The following BCAR3 variants were observed in gnomAD, a reference collection of about 807,000 sequenced individuals.
The protein encoded by BCAR3 is breast cancer anti-estrogen resistance protein 3.
In BCAR3, 37 loss-of-function variants were observed where a neutral mutation model predicts 80.1. The ratio of observed to expected loss-of-function variants is 0.46; its 90% CI spans 0.36 to 0.61. The LOEUF (loss-of-function observed/expected upper bound fraction) is 0.61, where lower values mean the gene tolerates loss of function less well. Ranked by LOEUF, BCAR3 falls within the 20% of genes least tolerant of loss-of-function variation. BCAR3 has a pLI of 0.00. For synonymous variants in BCAR3, 389 were observed against 418.9 expected, an observed-to-expected ratio of 0.93 and a Z score of 0.87; for missense variants, 978 against 1,068.2, an observed-to-expected ratio of 0.92 and a Z score of 1.18.
At chr1:93,824,139 A>G (rs1418489874) in intron 2 of BCAR3, among the ~76,000 whole-genome samples, 2 of 133,958 alleles carry the variant, frequency 1.5e-5, no homozygotes, top group African/African-American at 5.0e-5. Flanking sequence ...TTGAATGAAC[A>G]AGAACCCTCA....
chr1:93,611,037 G>A (rs536969997), intron 3 of BCAR3, among the ~76,000 whole-genome samples: 1 of 152,220 alleles, frequency 6.6e-6, no homozygotes, highest in African/African-American at 2.4e-5. Context: ...TGTCCTCTGC[G>A]GAAAGGGTAA....
chr1:93,758,408 G>A (rs1651820018), intron 2 of BCAR3, among the ~76,000 whole-genome samples: 1 of 152,190 alleles, frequency 6.6e-6, no homozygotes, highest in South Asian at 2.1e-4. Flanking sequence ...GTGTGAAGAA[G>A]AACTGGCTGC....
At chr1:93,702,493 A>G (rs946341896) in intron 3 of BCAR3, among the ~76,000 whole-genome samples, 1 of 149,276 alleles carries the variant, frequency 6.7e-6, no homozygotes, top group Non-Finnish European at 1.5e-5. Context: ...GCTGGTTTTG[A>G]GCAATGGAAG....
At chr1:93,564,918 C>A (rs1002923603) in intron 11 of BCAR3, among the ~76,000 whole-genome samples, 3 of 152,132 alleles carry the variant, frequency 2.0e-5, no homozygotes, top group Non-Finnish European at 2.9e-5. Flanking sequence ...AGAGAGAAGC[C>A]TCTAGCCAAA....
intron 2 of BCAR3, among the ~76,000 whole-genome samples, chr1:93,707,017 A>G (rs1649849693): frequency 6.6e-6 from 1 of 151,982 alleles, no homozygotes; most frequent in African/African-American, 2.4e-5. Context: ...TCTACTAAAA[A>G]TACAAAAATT....
At chr1:93,584,830 G>A (rs755148683) in intron 5 of BCAR3, 2 of 321,116 alleles carry the variant, frequency 6.2e-6, no homozygotes, top group Non-Finnish European at 9.0e-6. Flanking sequence ...TTCAGACTGG[G>A]AATTTCTCCA....
chr1:93,777,497 ACCT>A (rs951654894), intron 2 of BCAR3, among the ~76,000 whole-genome samples: 2 of 80,938 alleles, frequency 2.5e-5, no homozygotes, highest in Non-Finnish European at 5.1e-5. Context: ...CTCTTCCTCC[ACCT>A]CCTCCTCCTC....
intron 2 of BCAR3, among the ~76,000 whole-genome samples, chr1:93,726,043 T>G (rs1650569262): frequency 6.6e-6 from 1 of 152,108 alleles, no homozygotes; most frequent in Admixed American, 6.6e-5. Flanking sequence ...TTATTCTTCT[T>G]CTTCAGAGGT....
chr1:93,563,283 T>C (rs1183619323), intron 11 of BCAR3, among the ~76,000 whole-genome samples: 1 of 152,236 alleles, frequency 6.6e-6, no homozygotes, highest in African/African-American at 2.4e-5. Context: ...TCTAGAAATA[T>C]GGGATAAATG....
intron 3 of BCAR3, among the ~76,000 whole-genome samples, chr1:93,631,231 ATCT>A (rs1444739089): frequency 3.9e-5 from 6 of 152,132 alleles, no homozygotes; most frequent in Non-Finnish European, 7.3e-5. Flanking sequence ...TCTGGTCCAA[ATCT>A]TCTTCTTATA....
intron 3 of BCAR3, among the ~76,000 whole-genome samples, chr1:93,616,737 T>C (rs1675140420): frequency 6.6e-6 from 1 of 152,216 alleles, no homozygotes; most frequent in African/African-American, 2.4e-5. Context: ...CAGGGCTTTC[T>C]AAACACCATG....
chr1:93,730,289 C>T (rs1571079784), intron 2 of BCAR3, among the ~76,000 whole-genome samples: 1 of 152,154 alleles, frequency 6.6e-6, no homozygotes, highest in East Asian at 1.9e-4. Context: ...CTTACCCGAG[C>T]TCTCTGACAG....
intron 2 of BCAR3, among the ~76,000 whole-genome samples, chr1:93,836,448 G>C (rs1264487479): frequency 1.3e-5 from 2 of 151,206 alleles, no homozygotes; most frequent in Admixed American, 6.6e-5. Flanking sequence ...CCACATCCAG[G>C]CCATCACCAA....
At chr1:93,800,559 G>A (rs1653441879) in intron 2 of BCAR3, among the ~76,000 whole-genome samples, 3 of 150,338 alleles carry the variant, frequency 2.0e-5, no homozygotes, top group Non-Finnish European at 4.4e-5. Flanking sequence ...CTGGGTGACA[G>A]AGTGAGACTC....
At chr1:93,639,241 G>GAGGAC (rs1268523696) in intron 3 of BCAR3, among the ~76,000 whole-genome samples, 1 of 152,096 alleles carries the variant, frequency 6.6e-6, no homozygotes, top group Non-Finnish European at 1.5e-5. Context: ...ACGGTGCTAG[G>GAGGAC]AGGACACACA....
chr1:93,745,456 T>C (rs767421914), intron 2 of BCAR3, among the ~76,000 whole-genome samples: 1 of 152,240 alleles, frequency 6.6e-6, no homozygotes, highest in Admixed American at 6.5e-5. Context: ...CTTCTTGAGC[T>C]GAAATGTTTT....
chr1:93,662,734 A>C (rs1175897839), intron 2 of BCAR3, among the ~76,000 whole-genome samples: 1 of 152,190 alleles, frequency 6.6e-6, no homozygotes, highest in Non-Finnish European at 1.5e-5. Flanking sequence ...AACTAAAGTT[A>C]ATCTGGTATG....
intron 1 of BCAR3, chr1:93,846,761 G>A (rs1655215652): frequency 2.3e-6 from 1 of 435,540 alleles, no homozygotes; most frequent in Non-Finnish European, 4.7e-6. Context: ...GCGGGCTCGG[G>A]GCAGCTGCGC....
At position 93,712,790 on chromosome 1, in the gene BCAR3, A is replaced by G. The variant is rs552008885; in HGVS notation, c.-62-6648T>C. 9.2e-5 allele frequency among the ~76,000 whole-genome samples: 14 copies of G among 152,360 alleles called. No homozygotes were observed. The East Asian group carries it at 2.1e-3, about 23-fold the overall frequency. On this transcript the variant is annotated intron_variant, in intron 2 of 13. Transcript: ENST00000370244. ...CTCCAAGAGTTCACATAACCTCTTC[A>G]TGGCCGCACACTTGGTTAGAATCAG...
Sources: allele counts gnomAD v4.1 joint callset (sites outside exome capture counted in the v4.1 genomes callset), GRCh38; gene constraint gnomAD v4.1.1; transcripts MANE v1.5; gene names NCBI Gene and HGNC (gene_info 2026-07-23, HGNC 2026-07-21).